Variants in NTRK3 observed in about 807,000 individuals in gnomAD.
NTRK3 encodes neurotrophic receptor tyrosine kinase 3.
In NTRK3, 24 loss-of-function variants were observed where a neutral mutation model predicts 91.7. That is an observed-to-expected ratio of 0.26 (90% confidence interval 0.19 to 0.37). The LOEUF (loss-of-function observed/expected upper bound fraction) is 0.37, where lower values mean the gene tolerates loss of function less well. Ranked by LOEUF, NTRK3 falls within the 10% of genes least tolerant of loss-of-function variation. NTRK3 has a pLI of 1.00. For missense variants in NTRK3, 880 were observed against 1,068.9 expected (o/e 0.82, Z 2.46); for synonymous variants, 483 against 404.0 (o/e 1.20, Z -2.34).
At chr15:87,979,122 A>T in intron 14 of NTRK3, 1 of 605,270 alleles carries the variant, frequency 1.7e-6, no homozygotes, top group Non-Finnish European at 2.9e-6. Context: ...AGGCCGGGAA[A>T]AAAGGAGCAC....
chr15:88,251,789 G>A (rs567353436), intron 3 of NTRK3, among the ~76,000 whole-genome samples: 1 of 152,234 alleles, frequency 6.6e-6, no homozygotes, highest in Non-Finnish European at 1.5e-5. Context: ...CAGGAGGGTA[G>A]TAGGAGCCTT....
chr15:87,862,193 T>G (rs1170767747), exon 19 of NTRK3: 1 of 221,648 alleles, frequency 4.5e-6, no homozygotes, highest in East Asian at 6.5e-5. Context: ...GTGTGAGCAC[T>G]GGAATGAGAT....
At chr15:88,033,176 T>TGA (rs1491166187) in intron 13 of NTRK3, 131 bp from the exon 14 acceptor site, 2 of 192,386 alleles carry the variant, frequency 1.0e-5, no homozygotes, top group African/African-American at 1.2e-4. Context: ...GGGGGGTGTG[T>TGA]TATATATATA....
In NTRK3 at chr15:87,930,491, C is replaced by T. The variant is rs114843172; in HGVS notation, c.1890-1057G>A. Among the ~76,000 whole-genome samples, 934 of 152,240 alleles carry T rather than the reference C, an allele frequency of 6.1e-3. 14 individuals are homozygous for T. The highest frequency in any genetic ancestry group is 0.021 in the African/African-American group (892 of 41,538). On this transcript the variant is annotated intron_variant, in intron 16 of 18. Coordinates refer to ENST00000394480, the Ensembl canonical transcript of NTRK3. ...TCTCCGGTGGGCTCTGCCTACCTCACTCCTCAGAAGGAGGAAGGCTGCATC... is the reference window on the plus strand; with the variant it reads ...TCTCCGGTGGGCTCTGCCTACCTCATTCCTCAGAAGGAGGAAGGCTGCATC...
intron 13 of NTRK3, among the ~76,000 whole-genome samples, chr15:88,062,186 C>T (rs2046282327): frequency 6.6e-6 from 1 of 152,236 alleles, no homozygotes; most frequent in South Asian, 2.1e-4. Context: ...ATCCATCATC[C>T]GCAGAACGGG....
chr15:88,127,730 G>A (rs958332919), intron 11 of NTRK3, among the ~76,000 whole-genome samples: 21 of 152,036 alleles, frequency 1.4e-4, no homozygotes, highest in African/African-American at 5.1e-4. Flanking sequence ...GGAGGCCTGG[G>A]GATCCATCAA....
At chr15:88,232,751 C>T (rs2051320426) in intron 3 of NTRK3, among the ~76,000 whole-genome samples, 2 of 152,188 alleles carry the variant, frequency 1.3e-5, no homozygotes, top group African/African-American at 4.8e-5. Flanking sequence ...CCCCAGAGGC[C>T]TACTGAGGAC....
chr15:88,207,377 T>C (rs2048882352), intron 3 of NTRK3, among the ~76,000 whole-genome samples: 1 of 152,170 alleles, frequency 6.6e-6, no homozygotes, highest in African/African-American at 2.4e-5. Context: ...CCTTCTGACT[T>C]CCTGCCCAGA....
At chr15:88,136,277 A>G (rs2041868621) in intron 8 of NTRK3, among the ~76,000 whole-genome samples, 190 bp downstream of exon 8, 1 of 152,274 alleles carries the variant, frequency 6.6e-6, no homozygotes, top group Non-Finnish European at 1.5e-5. Context: ...TTACAGAAGC[A>G]AAACCTAAGT....
intron 17 of NTRK3, among the ~76,000 whole-genome samples, chr15:87,924,029 T>G (rs555635982): frequency 5.9e-5 from 9 of 152,296 alleles, no homozygotes; most frequent in African/African-American, 2.2e-4. Flanking sequence ...TATTCTGTTG[T>G]AGCAACACAG....
At chr15:87,900,038 A>G (rs1041876332) in intron 17 of NTRK3, among the ~76,000 whole-genome samples, 3 of 152,214 alleles carry the variant, frequency 2.0e-5, no homozygotes, top group Admixed American at 1.3e-4. Context: ...TGCTGAGAGG[A>G]GAGAGCTCAT....
At chr15:87,984,531 C>T (rs75029741) in intron 14 of NTRK3, among the ~76,000 whole-genome samples, 4,554 of 152,306 alleles carry the variant, frequency 0.03, 247 homozygotes, top group African/African-American at 0.1. Flanking sequence ...GAGCCCCAAA[C>T]GCCTAGGCTT....
intron 3 of NTRK3, among the ~76,000 whole-genome samples, chr15:88,229,241 T>A (rs1374167319): frequency 6.6e-6 from 1 of 152,170 alleles, no homozygotes; most frequent in Non-Finnish European, 1.5e-5. Context: ...TATTCAACTC[T>A]AACAACCACC....
chr15:88,208,160 AG>A (rs2048950628), intron 3 of NTRK3, among the ~76,000 whole-genome samples: 1 of 152,056 alleles, frequency 6.6e-6, no homozygotes, highest in Non-Finnish European at 1.5e-5. Context: ...CCTTCCAAAC[AG>A]CCCATCCCCA....
chr15:87,957,764 AT>A (rs1415952190), intron 14 of NTRK3, among the ~76,000 whole-genome samples: 1 of 152,220 alleles, frequency 6.6e-6, no homozygotes, highest in Non-Finnish European at 1.5e-5. Context: ...GGACTGAATC[AT>A]TTTAAGCTTC....
At chr15:88,172,005 C>A (rs941396298) in intron 5 of NTRK3, among the ~76,000 whole-genome samples, 2 of 152,232 alleles carry the variant, frequency 1.3e-5, no homozygotes, top group Non-Finnish European at 2.9e-5. Context: ...TCTTGGGAGA[C>A]CCTGTCTGCA....
intron 14 of NTRK3, among the ~76,000 whole-genome samples, chr15:87,970,205 A>G (rs1007150294): frequency 1.3e-5 from 2 of 152,180 alleles, no homozygotes; most frequent in Admixed American, 6.5e-5. Context: ...GTATGCTACC[A>G]CTAGATGATG....
At chr15:88,093,823 G>A (rs989762457) in intron 13 of NTRK3, among the ~76,000 whole-genome samples, 9 of 151,992 alleles carry the variant, frequency 5.9e-5, no homozygotes, top group Non-Finnish European at 5.9e-5. Flanking sequence ...CAAGCGGGGG[G>A]GTTGCTATAA....
exon 19 of NTRK3, chr15:87,861,292 G>C (rs1419436102): frequency 4.6e-6 from 1 of 217,392 alleles, no homozygotes; most frequent in South Asian, 1.9e-4. Context: ...TTCCTCTCAG[G>C]GAACGTAATA....
Sources: allele counts gnomAD v4.1 joint callset (sites outside exome capture counted in the v4.1 genomes callset), GRCh38; gene constraint gnomAD v4.1.1; transcripts MANE v1.5; gene names NCBI Gene and HGNC (gene_info 2026-07-23, HGNC 2026-07-21).